Variants in GPD1L observed in about 807,000 individuals in gnomAD.
GPD1L encodes glycerol-3-phosphate dehydrogenase 1-like protein.
In GPD1L, 17 loss-of-function variants were observed where a neutral mutation model predicts 32.9. That is an observed-to-expected ratio of 0.52 (90% CI 0.35 to 0.78). The LOEUF (loss-of-function observed/expected upper bound fraction) is 0.78, where lower values mean the gene tolerates loss of function less well. Among genes scored for constraint, GPD1L ranks in the 30% least tolerant of loss-of-function variants. The probability of loss-of-function intolerance (pLI) is 0.01; values close to 1 mark genes in which losing one functional copy is unlikely to be tolerated. For synonymous variants in GPD1L, 187 were observed against 165.9 expected, an observed-to-expected ratio of 1.13 and a Z score of -0.98; for missense variants, 361 against 447.8, an observed-to-expected ratio of 0.81 and a Z score of 1.75.
chr3:32,143,061 G>C (rs755629170), intron 4 of GPD1L, among the ~76,000 whole-genome samples: 13 of 152,070 alleles, frequency 8.5e-5, no homozygotes, highest in Non-Finnish European at 1.5e-4. Context: ...GTACATACCT[G>C]TAGTCCCAGC....
At chr3:32,122,277 G>T (rs1246168997) in intron 1 of GPD1L, among the ~76,000 whole-genome samples, 1 of 152,184 alleles carries the variant, frequency 6.6e-6, no homozygotes, top group Non-Finnish European at 1.5e-5. Context: ...AGCAGCAAGT[G>T]CAGGCTTTGG....
At chr3:32,128,965 T>C (rs892876904) in intron 2 of GPD1L, among the ~76,000 whole-genome samples, 2 of 152,204 alleles carry the variant, frequency 1.3e-5, no homozygotes, top group African/African-American at 4.8e-5. Context: ...ACAGTTTAAA[T>C]TCAAGCTTAT....
chr3:32,130,092 T>C (rs1700563540), intron 2 of GPD1L, among the ~76,000 whole-genome samples: 1 of 151,988 alleles, frequency 6.6e-6, no homozygotes, highest in African/African-American at 2.4e-5. Context: ...TTGGGGGAAG[T>C]GAATCTGCTG....
Position 32,106,662 on chromosome 3 carries a change from G to A in GPD1L, c.-50G>A. The A allele has an allele frequency of 6.8e-7, 1 of 1,476,682 alleles. No homozygotes were observed. Among genetic ancestry groups the A allele is most frequent in the Non-Finnish European group, 9.0e-7 (1 of 1,108,396 alleles). The allele number at this position is 1,476,682 out of a possible 1,614,324, so 91.5% of individuals were successfully genotyped here. A position where few individuals can be genotyped will look rare whatever the true frequency, so the allele number is the denominator to read the frequency against. ...CGGGCAAGGCTGAACAGGCGGAGGT[G>A]GGCAGCCGGCCAGGGAAGCACGGTC... is the stretch of plus-strand genomic sequence containing the variant. On this transcript the variant is annotated 5_prime_UTR_variant, in exon 1 of 8. Coordinates refer to ENST00000282541, the MANE Select transcript of GPD1L (RefSeq NM_015141.4). This position sits in a 1 kb window ranked among gnomAD's most constrained non-coding sequence, Gnocchi z 4.0.
intron 7 of GPD1L, among the ~76,000 whole-genome samples, chr3:32,161,844 C>T (rs1701077566): frequency 6.6e-6 from 1 of 152,176 alleles, no homozygotes; most frequent in South Asian, 2.1e-4. Context: ...GACGTGGCAG[C>T]ACCCTTCTCC....
intron 1 of GPD1L, among the ~76,000 whole-genome samples, chr3:32,108,175 C>G (rs1321467671): frequency 1.3e-5 from 2 of 151,988 alleles, no homozygotes; most frequent in Non-Finnish European, 2.9e-5. Flanking sequence ...GAGGTGGGCC[C>G]AGGAGTTTGA....
intron 1 of GPD1L, 46 bp from the exon 2 acceptor site, chr3:32,128,030 C>T (rs562754625): frequency 2.8e-5 from 38 of 1,342,990 alleles, no homozygotes; most frequent in African/African-American, 5.8e-5. Flanking sequence ...TTTTCTCTCC[C>T]GCCCAAGTGA....
At position 32,158,097 on chromosome 3, in the gene GPD1L, G is replaced by C. The variant is rs138993739; in HGVS notation, c.619-779G>C. Among the ~76,000 whole-genome samples, 422 of 152,324 alleles carry C rather than the reference G, an allele frequency of 2.8e-3. 2 individuals carry two copies. Among genetic ancestry groups the C allele is most frequent in the Non-Finnish European group, 1.9e-3 (132 of 68,026 alleles). On this transcript the variant is annotated intron_variant, in intron 5 of 7. Transcript: ENST00000282541. ...GTGCCAGGGTGTCCATGGCAGCACT[G>C]TTTGTCATGGCCCCAAACTGGAATC... is the stretch of plus-strand genomic sequence containing the variant.
At chr3:32,145,122 CAG>C (rs1309569759) in intron 4 of GPD1L, among the ~76,000 whole-genome samples, 1 of 151,880 alleles carries the variant, frequency 6.6e-6, no homozygotes, top group Non-Finnish European at 1.5e-5. Flanking sequence ...AGTTCGAGAC[CAG>C]CCTGGCCAAC....
chr3:32,152,857 AAGACAGAC>A (rs66498021), intron 5 of GPD1L, among the ~76,000 whole-genome samples: 3,291 of 148,944 alleles, frequency 0.022, 140 homozygotes, highest in African/African-American at 0.077. Context: ...AAAAAAAAAA[AAGACAGAC>A]AAAGAGCACG....
Position 32,146,714 on chromosome 3 carries a change from G to A in GPD1L, c.598G>A (p.Glu200Lys), listed in dbSNP as rs1700832163. 1 of 1,608,304 alleles carries A rather than the reference G, an allele frequency of 6.2e-7. No individual in the cohort carries two copies. The highest frequency in any genetic ancestry group is 1.3e-5 in the African/African-American group (1 of 74,870). The change falls in exon 5 of 8, where the codon GAA becomes AAA. Residue 200 changes from glutamate (E) to lysine (K), a missense_variant. Physicochemically the swap from Glu to Lys is moderately conservative, Grantham distance 56. Coordinates refer to ENST00000282541, the MANE Select transcript of GPD1L (RefSeq NM_015141.4). ...ITVVDDADTV[E>K]LCGALKNIVA... ...CGTGGTTGATGATGCAGACACTGTT[G>A]AACTCTGTGGTGCGCTTAAGGTAAA...
At chr3:32,157,312 C>T (rs537504471) in intron 5 of GPD1L, among the ~76,000 whole-genome samples, 4 of 151,798 alleles carry the variant, frequency 2.6e-5, no homozygotes, top group South Asian at 2.1e-4. Context: ...GGTGCGATCT[C>T]GGCTTACTGC....
chr3:32,129,869 A>G (rs576676410), intron 2 of GPD1L, among the ~76,000 whole-genome samples: 1 of 152,152 alleles, frequency 6.6e-6, no homozygotes, highest in African/African-American at 2.4e-5. Context: ...TTTGAGCTTC[A>G]CTTTTCTCAT....
chr3:32,155,923 C>T (rs1334191409), intron 5 of GPD1L, among the ~76,000 whole-genome samples: 1 of 152,182 alleles, frequency 6.6e-6, no homozygotes, highest in African/African-American at 2.4e-5. Flanking sequence ...CTTCCGTCTC[C>T]TTGTAGCCTC....
At chr3:32,156,367 C>T (rs1378323929) in intron 5 of GPD1L, among the ~76,000 whole-genome samples, 1 of 152,208 alleles carries the variant, frequency 6.6e-6, no homozygotes, top group African/African-American at 2.4e-5. Context: ...TCAGCTCTGC[C>T]TGCATCATTT....
intron 5 of GPD1L, among the ~76,000 whole-genome samples, chr3:32,157,727 G>A (rs1324984267): frequency 6.6e-6 from 1 of 152,148 alleles, no homozygotes; most frequent in Non-Finnish European, 1.5e-5. Flanking sequence ...TGGACCATAT[G>A]GTCTCTGTTG....
intron 5 of GPD1L, among the ~76,000 whole-genome samples, chr3:32,152,803 A>G (rs1440120973): frequency 1.3e-5 from 2 of 151,122 alleles, no homozygotes; most frequent in African/African-American, 4.9e-5. Flanking sequence ...TGTCACATCT[A>G]CCTTCCAAGC....
Position 32,129,707 on chromosome 3 carries a change from T to C in GPD1L, c.225+1454T>C, listed in dbSNP as rs79042055. 0.025 allele frequency among the ~76,000 whole-genome samples: 3,777 copies of C among 152,194 alleles called. 314 individuals are homozygous for C. The East Asian group carries it at 0.27, about 11-fold the overall frequency. On this transcript the variant is annotated intron_variant, in intron 2 of 7. Coordinates refer to ENST00000282541, the MANE Select transcript of GPD1L (RefSeq NM_015141.4). Reference sequence around the variant, plus strand: ...CATTTCCCTACAGTTATTCTTGGTGTAGTTGGTGGGGGAAGAAGAACCTTT... The same window carrying C: ...CATTTCCCTACAGTTATTCTTGGTGCAGTTGGTGGGGGAAGAAGAACCTTT...
intron 2 of GPD1L, among the ~76,000 whole-genome samples, chr3:32,134,200 A>C (rs1700627008): frequency 6.6e-6 from 1 of 152,272 alleles, no homozygotes; most frequent in African/African-American, 2.4e-5. Flanking sequence ...TTATTCTGAA[A>C]GATGAGATTC....
Sources: gnomAD v4.1 joint callset for allele counts (sites outside exome capture counted in the v4.1 genomes callset) on GRCh38, gnomAD v4.1.1 for gene constraint, Gnocchi (gnomAD v3.1) non-coding constraint, MANE v1.5 for transcripts, NCBI Gene and HGNC (gene_info 2026-07-23, HGNC 2026-07-21) for gene names.